Variants in TMEM132D observed in about 807,000 individuals in gnomAD.
The protein encoded by TMEM132D is mature OL transmembrane protein.
In TMEM132D, 21 loss-of-function variants were observed where a neutral mutation model predicts 62.3. The observed-to-expected ratio is 0.34, with a 90% CI of 0.24 to 0.49. The LOEUF is 0.49. Ranked by LOEUF, TMEM132D falls within the 20% of genes least tolerant of loss-of-function variation. TMEM132D has a pLI of 0.99. For missense variants in TMEM132D, 1,346 were observed against 1,402.8 expected (o/e 0.96, Z 0.65); for synonymous variants, 621 against 575.6 (o/e 1.08, Z -1.13).
At chr12:129,817,366 GA>G (rs1171574755) in intron 1 of TMEM132D, among the ~76,000 whole-genome samples, 6 of 152,190 alleles carry the variant, frequency 3.9e-5, no homozygotes, top group Non-Finnish European at 2.9e-5. Flanking sequence ...TGAACACACA[GA>G]ACCAGACGCC....
chr12:129,746,727 C>T (rs1178231207), intron 1 of TMEM132D, among the ~76,000 whole-genome samples: 1 of 152,080 alleles, frequency 6.6e-6, no homozygotes, highest in Non-Finnish European at 1.5e-5. Flanking sequence ...TTATACCCTA[C>T]AGAAGCGACA....
At chr12:129,789,294 C>T (rs1363773460) in intron 1 of TMEM132D, among the ~76,000 whole-genome samples, 2 of 152,042 alleles carry the variant, frequency 1.3e-5, no homozygotes, top group African/African-American at 4.8e-5. Flanking sequence ...TTAGCTCCTA[C>T]TTATAAGGGA....
At chr12:129,775,484 T>A (rs747978096) in intron 1 of TMEM132D, among the ~76,000 whole-genome samples, 55 of 152,238 alleles carry the variant, frequency 3.6e-4, no homozygotes, top group Non-Finnish European at 6.8e-4. Flanking sequence ...TGTTCACTGG[T>A]TGAGTGTCGC....
intron 1 of TMEM132D, among the ~76,000 whole-genome samples, chr12:129,860,900 G>A (rs1430531515): frequency 6.6e-6 from 1 of 152,102 alleles, no homozygotes; most frequent in Admixed American, 6.5e-5. Flanking sequence ...AACAGGATTG[G>A]GGAAACTGCC....
intron 2 of TMEM132D, among the ~76,000 whole-genome samples, chr12:129,604,218 G>A (rs959595402): frequency 2.6e-5 from 4 of 152,176 alleles, no homozygotes; most frequent in African/African-American, 4.8e-5. Context: ...CCTACTGCAC[G>A]TGAGGCTTAA....
At chr12:129,286,898 A>C (rs1881315398) in intron 4 of TMEM132D, among the ~76,000 whole-genome samples, 1 of 152,050 alleles carries the variant, frequency 6.6e-6, no homozygotes, top group Admixed American at 6.5e-5. Context: ...AAATACAAAA[A>C]TTAGTCGGGC....
intron 1 of TMEM132D, among the ~76,000 whole-genome samples, chr12:129,820,479 A>G (rs1025389124): frequency 6.6e-6 from 1 of 152,210 alleles, no homozygotes; most frequent in Non-Finnish European, 1.5e-5. Flanking sequence ...TTAACCATAC[A>G]TTATAAATAT....
intron 1 of TMEM132D, among the ~76,000 whole-genome samples, chr12:129,704,035 A>G (rs1285831095): frequency 6.6e-6 from 1 of 152,230 alleles, no homozygotes; most frequent in Non-Finnish European, 1.5e-5. Flanking sequence ...CATAGAAAAC[A>G]GAATGATTAG....
chr12:129,747,196 T>TTCTCCCTCCTCCCG lies in TMEM132D; in HGVS notation c.80-46499_80-46498insCGGGAGGAGGGAGA, dbSNP rs1593145357. On this transcript the variant is annotated intron_variant, in intron 1 of 8. Transcript: ENST00000422113. Reference sequence around the variant, plus strand: ...AATAGCTCTCCTTCTCCCTCCTCCCTCTCCTTCTTACTCCTCCTTCCAGCC... The same window carrying TTCTCCCTCCTCCCG: ...AATAGCTCTCCTTCTCCCTCCTCCCTTCTCCCTCCTCCCGCTCCTTCTTACTCCTCCTTCCAGCC... 4.9e-4 allele frequency among the ~76,000 whole-genome samples: 10 copies of TTCTCCCTCCTCCCG among 20,588 alleles called. No individual in the cohort carries two copies. The East Asian group carries it at 7.3e-3, about 15-fold the overall frequency. The allele number at this position is 20,588 out of a possible 152,430, so 13.5% of individuals were successfully genotyped here.
At chr12:129,209,390 C>A in intron 5 of TMEM132D, 130 bp downstream of exon 5, 1 of 1,156,444 alleles carries the variant, frequency 8.6e-7, no homozygotes, top group Non-Finnish European at 1.2e-6. Context: ...GGCAGGATAA[C>A]CAGAATGGGA....
chr12:129,397,636 G>T (rs192536524), intron 3 of TMEM132D, among the ~76,000 whole-genome samples: 202 of 152,240 alleles, frequency 1.3e-3, no homozygotes, highest in Non-Finnish European at 2.5e-3. Context: ...TTTCTTCTCC[G>T]ATGCCCAGAA....
intron 2 of TMEM132D, among the ~76,000 whole-genome samples, chr12:129,616,786 C>T (rs1878928270): frequency 6.6e-6 from 1 of 152,168 alleles, no homozygotes. Flanking sequence ...ATAAAGTACC[C>T]AGTCTCGGGT....
intron 2 of TMEM132D, among the ~76,000 whole-genome samples, chr12:129,601,272 T>A (rs1878475359): frequency 6.6e-6 from 1 of 152,188 alleles, no homozygotes; most frequent in African/African-American, 2.4e-5. Context: ...TTCATAGAAC[T>A]GAAAAGTTAG....
intron 5 of TMEM132D, among the ~76,000 whole-genome samples, chr12:129,164,435 A>G (rs1042721963): frequency 1.3e-5 from 2 of 152,254 alleles, no homozygotes; most frequent in Admixed American, 6.5e-5. Context: ...TGGAATTCTC[A>G]GGCTTTGACA....
intron 3 of TMEM132D, among the ~76,000 whole-genome samples, chr12:129,452,907 T>C (rs1873340661): frequency 6.6e-6 from 1 of 152,090 alleles, no homozygotes; most frequent in Non-Finnish European, 1.5e-5. Context: ...TCCAGACAGG[T>C]TGTAGATCAG....
chr12:129,844,365 G>A (rs541250317), intron 1 of TMEM132D, among the ~76,000 whole-genome samples: 31 of 152,262 alleles, frequency 2.0e-4, no homozygotes, highest in Middle Eastern at 6.8e-3. Flanking sequence ...TGCCAGGTGG[G>A]CATTTGACCT....
In TMEM132D at chr12:129,543,242, AGTGGGTGG is replaced by A. The variant is rs1566104591; in HGVS notation, c.969-12045_969-12038del. 2.7e-4 allele frequency among the ~76,000 whole-genome samples: 13 copies of A among 48,908 alleles called. No homozygotes were observed. In the South Asian group the frequency reaches 0.012, roughly 44 times the overall value. The allele number at this position is 48,908 out of a possible 152,430, so 32.1% of individuals were successfully genotyped here. ...GGGTGGGTGGATGGATGGATGGATG[AGTGGGTGG>A]GTGGGTGGATGGATGGATGAGTAGG... On this transcript the variant is annotated intron_variant, in intron 2 of 8. Transcript: ENST00000422113.
chr12:129,376,760 G>C (rs1043175786), intron 3 of TMEM132D, among the ~76,000 whole-genome samples: 3 of 152,162 alleles, frequency 2.0e-5, no homozygotes, highest in African/African-American at 7.2e-5. Flanking sequence ...CTTCATAAGT[G>C]ACCTTAATCT....
chr12:129,873,872 A>T (rs183114428), intron 1 of TMEM132D, among the ~76,000 whole-genome samples: 1 of 152,196 alleles, frequency 6.6e-6, no homozygotes, highest in Non-Finnish European at 1.5e-5. Context: ...TGAGACGATA[A>T]ATTTTAAAAA....
Sources: gnomAD v4.1 joint callset for allele counts (sites outside exome capture counted in the v4.1 genomes callset) on GRCh38, gnomAD v4.1.1 for gene constraint, MANE v1.5 for transcripts, NCBI Gene and HGNC (gene_info 2026-07-23, HGNC 2026-07-21) for gene names.